Variants in FER observed in about 807,000 individuals in gnomAD.
The protein encoded by FER is tyrosine-protein kinase Fer.
In FER, 63 loss-of-function variants were observed where a neutral mutation model predicts 111.0. The observed-to-expected ratio is 0.57, with a 90% CI of 0.46 to 0.70. The LOEUF (loss-of-function observed/expected upper bound fraction) is 0.70. FER is among the 30% of genes least tolerant of loss of function. The pLI, the probability that FER is intolerant of heterozygous loss-of-function variation, is 0.00. For missense variants in FER, 914 were observed against 954.0 expected, an observed-to-expected ratio of 0.96 and a Z score of 0.55; for synonymous variants, 327 against 313.9, an observed-to-expected ratio of 1.04 and a Z score of -0.44.
intron 13 of FER, among the ~76,000 whole-genome samples, chr5:109,036,292 G>T (rs1170715220): frequency 6.6e-6 from 1 of 151,848 alleles, no homozygotes; most frequent in African/African-American, 2.4e-5. Context: ...TTTATATTTA[G>T]GTGAAAAAAC....
At chr5:108,899,367 G>A (rs1433635710) in intron 10 of FER, among the ~76,000 whole-genome samples, 1 of 152,004 alleles carries the variant, frequency 6.6e-6, no homozygotes, top group African/African-American at 2.4e-5. Context: ...ATAAGTATCT[G>A]GCATATGTGT....
chr5:109,092,232 T>A (rs1179969637), intron 16 of FER, among the ~76,000 whole-genome samples: 1 of 107,426 alleles, frequency 9.3e-6, no homozygotes, highest in East Asian at 2.8e-4. Context: ...CCTAGGCAAC[T>A]AATGCAAAAA....
At chr5:109,171,537 A>T (rs1232260406) in intron 17 of FER, among the ~76,000 whole-genome samples, 3 of 152,194 alleles carry the variant, frequency 2.0e-5, no homozygotes, top group Non-Finnish European at 4.4e-5. Flanking sequence ...GACAGCCATT[A>T]TCATGACGGC....
At position 109,186,209 on chromosome 5, in the gene FER, G is replaced by C. The variant is rs145807358; in HGVS notation, c.2213G>C (p.Ser738Thr). The change falls in exon 19 of 20, where the codon AGT becomes ACT. Residue 738 changes from serine (S) to threonine (T), a missense_variant. Transcript: ENST00000281092. ...APEALNYGRY[S>T]SESDVWSFGI... ...GTTGTTCCTCTTCCAGGGAGATACA[G>C]TTCAGAGAGTGACGTGTGGAGCTTT... The C allele has an allele frequency of 1.9e-3, 3,056 of 1,614,134 alleles. 4 individuals carry two copies. Among genetic ancestry groups the C allele is most frequent in the Non-Finnish European group, 2.5e-3 (2,905 of 1,179,976 alleles).
intron 10 of FER, among the ~76,000 whole-genome samples, chr5:108,939,655 A>G (rs867681196): frequency 3.4e-4 from 51 of 152,160 alleles, no homozygotes; most frequent in African/African-American, 1.2e-3. Flanking sequence ...TCCTGGTTGG[A>G]TTTTATTAGC....
chr5:109,051,692 C>A (rs1283188494), intron 16 of FER: 2 of 1,564,156 alleles, frequency 1.3e-6, no homozygotes, highest in Non-Finnish European at 1.8e-6. Flanking sequence ...CAGTCTTTGG[C>A]GGGGCTCAGC....
chr5:109,003,113 C>G (rs1339242752), intron 13 of FER, among the ~76,000 whole-genome samples: 1 of 152,172 alleles, frequency 6.6e-6, no homozygotes, highest in African/African-American at 2.4e-5. Context: ...CATCCCATTA[C>G]TGGGTATATA....
chr5:109,008,496 CTG>C (rs1199345983), intron 13 of FER, among the ~76,000 whole-genome samples: 1 of 152,058 alleles, frequency 6.6e-6, no homozygotes, highest in Non-Finnish European at 1.5e-5. Context: ...CTAATTTTCT[CTG>C]TGTTATCGCA....
At chr5:109,167,122 A>T (rs936133645) in intron 17 of FER, among the ~76,000 whole-genome samples, 1 of 152,180 alleles carries the variant, frequency 6.6e-6, no homozygotes, top group African/African-American at 2.4e-5. Context: ...TGAGGGAAGG[A>T]ATTAGTTTAT....
At chr5:109,172,503 A>AGGG (rs1757238342) in intron 17 of FER, among the ~76,000 whole-genome samples, 2 of 60,112 alleles carry the variant, frequency 3.3e-5, no homozygotes, top group African/African-American at 6.8e-5. Flanking sequence ...GGGAGGGGGG[A>AGGG]GGGATAGCAT....
intron 5 of FER, among the ~76,000 whole-genome samples, chr5:108,840,939 C>G (rs1761200605): frequency 6.6e-6 from 1 of 152,186 alleles, no homozygotes; most frequent in Non-Finnish European, 1.5e-5. Flanking sequence ...AATGGCTTGG[C>G]ATCCATTGAT....
Position 109,047,155 on chromosome 5 carries a change from C to T in FER, c.1881C>T (p.Cys627=). Residue 627 remains cysteine (C), a synonymous_variant, in exon 16 of 20, where the codon TGC becomes TGT. Transcript: ENST00000281092. ...ATATTGTCAAACTTATAGGAGTTTG[C>T]ACACAAAGACAGCCTGTCTACATCA... is the stretch of plus-strand genomic sequence containing the variant. ...HPNIVKLIGV[C]TQRQPVYIIM... 1 of 1,608,244 alleles carries T rather than the reference C, an allele frequency of 6.2e-7. No homozygotes were observed.
intron 17 of FER, among the ~76,000 whole-genome samples, chr5:109,147,798 TATAGAGAGAG>T (rs1275658334): frequency 2.6e-4 from 30 of 116,686 alleles, no homozygotes; most frequent in Admixed American, 1.1e-3. Context: ...TATATATATA[TATAGAGAGAG>T]AGAGAGAGAG....
chr5:108,912,474 G>A (rs1751694044), intron 10 of FER, among the ~76,000 whole-genome samples: 1 of 152,164 alleles, frequency 6.6e-6, no homozygotes, highest in Non-Finnish European at 1.5e-5. Flanking sequence ...AGATTCTCAT[G>A]CCTCAGCCTC....
At chr5:108,910,450 G>A (rs967841441) in intron 10 of FER, among the ~76,000 whole-genome samples, 1 of 151,992 alleles carries the variant, frequency 6.6e-6, no homozygotes, top group Non-Finnish European at 1.5e-5. Flanking sequence ...TCTTTGGAAG[G>A]CTTTTACTTT....
chr5:109,085,512 A>C (rs567650295), intron 16 of FER, among the ~76,000 whole-genome samples: 1 of 151,246 alleles, frequency 6.6e-6, no homozygotes, highest in Admixed American at 6.6e-5. Flanking sequence ...ATTTTCTGCA[A>C]AGAGATTTTA....
chr5:108,828,095 C>T (rs555911199), intron 3 of FER, among the ~76,000 whole-genome samples: 7 of 151,978 alleles, frequency 4.6e-5, no homozygotes, highest in Non-Finnish European at 7.4e-5. Context: ...CTCTCGAGCT[C>T]CTGGCCTCAA....
chr5:109,183,266 T>TTTA (rs1758476508), intron 18 of FER, among the ~76,000 whole-genome samples: 2 of 148,658 alleles, frequency 1.3e-5, no homozygotes, highest in Admixed American at 6.7e-5. Flanking sequence ...TTTTTTTTTT[T>TTTA]GAGATGGAGT....
intron 14 of FER, among the ~76,000 whole-genome samples, chr5:109,042,039 T>A (rs1339982800): frequency 6.6e-6 from 1 of 152,086 alleles, no homozygotes; most frequent in Non-Finnish European, 1.5e-5. Context: ...AAAGAATAGA[T>A]TGAAAATATA....
Sources: gnomAD v4.1 joint callset for allele counts (sites outside exome capture counted in the v4.1 genomes callset) on GRCh38, gnomAD v4.1.1 for gene constraint, MANE v1.5 for transcripts, NCBI Gene and HGNC (gene_info 2026-07-23, HGNC 2026-07-21) for gene names.